Variants in DEFA3 observed in about 807,000 individuals in gnomAD.
DEFA3 encodes defensin alpha 3, also known as neutrophil defensin 3.
For synonymous variants in DEFA3, 3 were observed against 47.2 expected, an observed-to-expected ratio of 0.06 and a Z score of 3.84; for missense variants, 8 against 128.1, an observed-to-expected ratio of 0.06 and a Z score of 4.53.
rs150008781 is a variant in DEFA3 at position 7,016,059 on chromosome 8, C to T, written c.216G>A (p.Ala72=). The T allele has an allele frequency of 1.5e-3, 2,157 of 1,471,754 alleles. 48 individuals are homozygous for T. The African/African-American group carries it at 0.031, about 21-fold the overall frequency. The allele number at this position is 1,471,754 out of a possible 1,614,324, so 91.2% of individuals were successfully genotyped here. The change falls in exon 3 of 3, where the codon GCG becomes GCA. Residue 72 remains alanine (A), a synonymous_variant. Transcript: ENST00000327857. ...KNMDCYCRIP[A]CIAGERRYGT... Reference sequence around the variant, plus strand: ...CATAGCGACGTTCTCCTGCAATGCACGCTGGTATTCTGCAATAGCAGTCCA... The same window carrying T: ...CATAGCGACGTTCTCCTGCAATGCATGCTGGTATTCTGCAATAGCAGTCCA...
chr8:7,016,381 G>A (rs1362220307), intron 2 of DEFA3, among the ~76,000 whole-genome samples: 1 of 32,686 alleles, frequency 3.1e-5, no homozygotes, highest in Non-Finnish European at 5.9e-5. Flanking sequence ...CTTCTGTAGA[G>A]TAAAATGTTC....
In DEFA3 at chr8:7,017,292, T is replaced by A. The variant is rs796617428; in HGVS notation, c.-12-430A>T. Among the ~76,000 whole-genome samples, 28 of 107,042 alleles carry A rather than the reference T, an allele frequency of 2.6e-4. No homozygotes were observed. In the East Asian group the frequency reaches 6.3e-3, roughly 24 times the overall value. The allele number at this position is 107,042 out of a possible 152,430, so 70.2% of individuals were successfully genotyped here. On this transcript the variant is annotated intron_variant, in intron 1 of 2. Transcript: ENST00000327857. ...TTCTGGTGTCCTATATGAGTTCCAA[T>A]GGAATAGCGAGTAATTCACTTCAGG...
chr8:7,018,024 A>G (rs1275442846), intron 1 of DEFA3, among the ~76,000 whole-genome samples, 198 bp downstream of exon 1: 1 of 140,050 alleles, frequency 7.1e-6, no homozygotes, highest in East Asian at 2.0e-4. Context: ...GTGTGTTTAG[A>G]AGGAAACTGC....
intron 1 of DEFA3, among the ~76,000 whole-genome samples, chr8:7,017,844 C>G (rs1336284630): frequency 5.3e-5 from 8 of 152,286 alleles, no homozygotes; most frequent in East Asian, 1.9e-4. Flanking sequence ...ATTTGCAAAA[C>G]CTACATGGCA....
chr8:7,018,096 C>G (rs1811057609), intron 1 of DEFA3, 126 bp downstream of exon 1: 1 of 150,192 alleles, frequency 6.7e-6, no homozygotes, highest in Non-Finnish European at 1.5e-5. Flanking sequence ...GAGGTCCGGA[C>G]AGACGTTCCT....
At chr8:7,018,016 G>GAGA (rs1326825754) in intron 1 of DEFA3, among the ~76,000 whole-genome samples, 1 of 143,054 alleles carries the variant, frequency 7.0e-6, no homozygotes, top group African/African-American at 2.6e-5. Flanking sequence ...CAGGACATGT[G>GAGA]TGTTTAGAAG....
intron 1 of DEFA3, among the ~76,000 whole-genome samples, chr8:7,018,004 A>G (rs1811051055): frequency 9.9e-6 from 1 of 100,700 alleles, no homozygotes; most frequent in Admixed American, 9.7e-5. Flanking sequence ...GGACATGTCA[A>G]CCAGGACATG....
chr8:7,016,994 GA>G (rs1182772363), intron 1 of DEFA3, 132 bp from the exon 2 acceptor site: 2 of 1,266,352 alleles, frequency 1.6e-6, no homozygotes, highest in African/African-American at 3.0e-5. Flanking sequence ...CATTTTACAA[GA>G]GAGGCCCATT....
chr8:7,015,875 A>T lies in DEFA3; in HGVS notation c.*115T>A, dbSNP rs1810944975. Reference sequence around the variant, plus strand: ...AGAGGTGGAAACACAGAAATCTTGTAACAAGGCATTTATTTGAGATGAGGA... The same window carrying T: ...AGAGGTGGAAACACAGAAATCTTGTTACAAGGCATTTATTTGAGATGAGGA... On this transcript the variant is annotated 3_prime_UTR_variant, in exon 3 of 3. Transcript: ENST00000327857. 3.1e-5 allele frequency: 31 copies of T among 993,248 alleles called. 2 individuals carry two copies. Among genetic ancestry groups the T allele is most frequent in the Non-Finnish European group, 4.3e-5 (28 of 652,990 alleles). The allele number at this position is 993,248 out of a possible 1,614,324, so 61.5% of individuals were successfully genotyped here.
At chr8:7,017,838 GC>G (rs1811043120) in intron 1 of DEFA3, among the ~76,000 whole-genome samples, 1 of 152,146 alleles carries the variant, frequency 6.6e-6, no homozygotes, top group African/African-American at 2.4e-5. Flanking sequence ...GAAAATATTT[GC>G]AAAACCTACA....
At chr8:7,017,795 C>G (rs1457279138) in intron 1 of DEFA3, among the ~76,000 whole-genome samples, 1 of 152,000 alleles carries the variant, frequency 6.6e-6, no homozygotes, top group African/African-American at 2.4e-5. Context: ...AGGAAACAAT[C>G]AACCGAGTGA....
intron 1 of DEFA3, among the ~76,000 whole-genome samples, chr8:7,017,108 G>C (rs1453416344): frequency 7.1e-4 from 93 of 130,308 alleles, no homozygotes; most frequent in Middle Eastern, 4.1e-3. Flanking sequence ...TGACAAGAAA[G>C]ACCCTGCTAT....
Position 7,015,889 on chromosome 8 carries a change from T to C in DEFA3, c.*101A>G, listed in dbSNP as rs892996705. 2.2e-5 allele frequency: 25 copies of C among 1,117,828 alleles called. 1 individual carries two copies. Among genetic ancestry groups the C allele is most frequent in the Non-Finnish European group, 3.3e-5 (25 of 758,696 alleles). 69.2% of individuals were successfully genotyped at this position (1,117,828 alleles called of 1,614,324 possible). A position where few individuals can be genotyped will look rare whatever the true frequency, so the allele number is the denominator to read the frequency against. On this transcript the variant is annotated 3_prime_UTR_variant, in exon 3 of 3. Transcript: ENST00000327857. Reference sequence around the variant, plus strand: ...AGAAATCTTGTAACAAGGCATTTATTTGAGATGAGGAAAGGAAATTGAGCA... The same window carrying C: ...AGAAATCTTGTAACAAGGCATTTATCTGAGATGAGGAAAGGAAATTGAGCA...
intron 1 of DEFA3, 26 bp downstream of exon 1, chr8:7,018,196 T>C (rs1206341232): frequency 2.7e-5 from 4 of 150,432 alleles, no homozygotes; most frequent in African/African-American, 9.8e-5. Flanking sequence ...AAACTCAGTG[T>C]AAAGTTTAAG....
chr8:7,018,068 C>T (rs371107628), intron 1 of DEFA3, among the ~76,000 whole-genome samples, 154 bp downstream of exon 1: 5 of 150,136 alleles, frequency 3.3e-5, no homozygotes, highest in East Asian at 4.0e-4. Flanking sequence ...TGGAAGCCAT[C>T]GTCCCCAGCA....
chr8:7,018,090 T>C (rs1013449627), intron 1 of DEFA3, 132 bp downstream of exon 1: 2 of 150,060 alleles, frequency 1.3e-5, no homozygotes, highest in African/African-American at 2.5e-5. Context: ...TCACCAGAGG[T>C]CCGGACAGAC....
At position 7,016,111 on chromosome 8, in the gene DEFA3, A is replaced by C. The variant is rs764443612; in HGVS notation, c.176-12T>G. On this transcript the variant is annotated splice_polypyrimidine_tract_variant and intron_variant, in intron 2 of 2. Transcript: ENST00000327857. ...GTTTTTCCTTGAGCCTGGGACAGGG[A>C]GAGCATGAGAAATTGAGTATGGAGT... 2.8e-6 allele frequency: 4 copies of C among 1,423,206 alleles called. No homozygotes were observed. The highest frequency in any genetic ancestry group is 3.9e-6 in the Non-Finnish European group (4 of 1,036,962). The allele number at this position is 1,423,206 out of a possible 1,614,324, so 88.2% of individuals were successfully genotyped here.
Position 7,015,892 on chromosome 8 carries a change from A to T in DEFA3, c.*98T>A, listed in dbSNP as rs1277215019. 8.1e-6 allele frequency: 8 copies of T among 982,918 alleles called. 1 individual carries two copies. Among genetic ancestry groups the T allele is most frequent in the Non-Finnish European group, 5.9e-6 (4 of 677,488 alleles). The allele number at this position is 982,918 out of a possible 1,614,324, so 60.9% of individuals were successfully genotyped here. On this transcript the variant is annotated 3_prime_UTR_variant, in exon 3 of 3. Coordinates refer to ENST00000327857, the MANE Select transcript of DEFA3 (RefSeq NM_005217.4). ...AATCTTGTAACAAGGCATTTATTTG[A>T]GATGAGGAAAGGAAATTGAGCAGAA...
intron 1 of DEFA3, among the ~76,000 whole-genome samples, 195 bp downstream of exon 1, chr8:7,018,027 G>C (rs752553354): frequency 0.021 from 3,069 of 145,146 alleles, 5 homozygotes; most frequent in Non-Finnish European, 0.031. Flanking sequence ...TGTTTAGAAG[G>C]AAACTGCTTG....
Sources: allele counts gnomAD v4.1 joint callset (sites outside exome capture counted in the v4.1 genomes callset), GRCh38; gene constraint gnomAD v4.1.1; transcripts MANE v1.5; gene names NCBI Gene and HGNC (gene_info 2026-07-23, HGNC 2026-07-21).